SLAMF1: variants seen among roughly 807,000 people sequenced by gnomAD.
SLAMF1 encodes signaling lymphocytic activation molecule.
A neutral mutation model predicts 35.1 loss-of-function variants in SLAMF1; 18 were observed. That is an observed-to-expected ratio of 0.51 (90% confidence interval 0.35 to 0.76). The LOEUF (loss-of-function observed/expected upper bound fraction) is 0.76. Ranked by LOEUF, SLAMF1 falls within the 30% of genes least tolerant of loss-of-function variation. The probability of loss-of-function intolerance (pLI) is 0.01; values close to 1 mark genes in which losing one functional copy is unlikely to be tolerated. For synonymous variants in SLAMF1, 168 were observed against 157.2 expected, an observed-to-expected ratio of 1.07 and a Z score of -0.51; for missense variants, 392 against 413.0, an observed-to-expected ratio of 0.95 and a Z score of 0.44.
chr1:160,634,812 C>G lies in SLAMF1; in HGVS notation c.501G>C (p.Glu167Asp). Residue 167 changes from glutamate (E) to aspartate (D), a missense_variant, in exon 3 of 7, where the codon GAG becomes GAC. Physicochemically the swap from Glu to Asp is conservative, Grantham distance 45. Transcript: ENST00000302035. ...TCTLILGCTV[E>D]KGDHVAYSWS... ...AGCTGTAAGCCACATGGTCCCCCTT[C>G]TCCACTGTGCAGCCCAGTATCAAGG... 6.2e-7 allele frequency: 1 copy of G among 1,614,160 alleles called. No individual in the cohort carries two copies. Among genetic ancestry groups the G allele is most frequent in the Non-Finnish European group, 8.5e-7 (1 of 1,180,022 alleles).
intron 2 of SLAMF1, among the ~76,000 whole-genome samples, chr1:160,635,385 G>C (rs1444074321): frequency 6.6e-6 from 1 of 152,154 alleles, no homozygotes; most frequent in South Asian, 2.1e-4. Flanking sequence ...ATGGGTGAGT[G>C]AGTGGGTGGG....
chr1:160,631,186 A>C (rs1050304488), intron 3 of SLAMF1, among the ~76,000 whole-genome samples: 1 of 152,240 alleles, frequency 6.6e-6, no homozygotes, highest in African/African-American at 2.4e-5. Flanking sequence ...ATTCATGCGC[A>C]AACACAAATC....
At chr1:160,640,794 G>T (rs1421464022) in intron 1 of SLAMF1, among the ~76,000 whole-genome samples, 1 of 152,162 alleles carries the variant, frequency 6.6e-6, no homozygotes, top group East Asian at 1.9e-4. Context: ...GGAAAAGTGA[G>T]AAAGGCAATT....
intron 1 of SLAMF1, among the ~76,000 whole-genome samples, chr1:160,644,166 C>T (rs72708863): frequency 0.046 from 6,972 of 152,030 alleles, 189 homozygotes; most frequent in Non-Finnish European, 0.064. Context: ...CAATTTATTC[C>T]AATTCAATTC....
At chr1:160,616,579 C>G (rs1362768499) in intron 5 of SLAMF1, among the ~76,000 whole-genome samples, 1 of 152,124 alleles carries the variant, frequency 6.6e-6, no homozygotes, top group Non-Finnish European at 1.5e-5. Context: ...CAAAGGCAAG[C>G]TACAGATGGG....
intron 6 of SLAMF1, among the ~76,000 whole-genome samples, chr1:160,611,186 G>A (rs866964236): frequency 6.6e-6 from 1 of 152,088 alleles, no homozygotes; most frequent in African/African-American, 2.4e-5. Context: ...AAAGTCTAGT[G>A]GGACTCAAAG....
chr1:160,621,129 A>G (rs1659589431), intron 4 of SLAMF1, among the ~76,000 whole-genome samples: 1 of 152,210 alleles, frequency 6.6e-6, no homozygotes, highest in African/African-American at 2.4e-5. Flanking sequence ...AGCAGTAAGG[A>G]TGGTGGGAAA....
rs192659953 is a variant in SLAMF1, at chr1:160,645,732, G to C, written c.76+1138C>G. On this transcript the variant is annotated intron_variant, in intron 1 of 6. Transcript: ENST00000302035. The stretch of plus-strand genomic sequence containing the variant: ...CAGTTCTTCCTCCCCTAGACCTTGG[G>C]AAGTACGAGCCATGGATCTGCAGAT... Among the ~76,000 whole-genome samples the C allele has an allele frequency of 5.5e-3, 830 of 152,274 alleles. 7 individuals are homozygous for C. Among genetic ancestry groups the C allele is most frequent in the Non-Finnish European group, 7.6e-3 (520 of 68,016 alleles).
chr1:160,638,074 C>T (rs1007920353), intron 1 of SLAMF1, among the ~76,000 whole-genome samples: 1 of 152,088 alleles, frequency 6.6e-6, no homozygotes, highest in Non-Finnish European at 1.5e-5. Flanking sequence ...TCTCTCCAAA[C>T]ACCCTGAGAT....
intron 3 of SLAMF1, among the ~76,000 whole-genome samples, chr1:160,633,179 T>G (rs1300562693): frequency 1.3e-5 from 2 of 152,220 alleles, no homozygotes; most frequent in African/African-American, 4.8e-5. Flanking sequence ...TTGCTTGTCC[T>G]GCCAGCACCT....
In SLAMF1 at chr1:160,616,972, A is replaced by G. The variant is rs562747194; in HGVS notation, c.864+2804T>C. ...GGAGTTCGAGACCACCCTGGCCAAC[A>G]TGGTGAAATACTGTCTCTACTAAAA... On this transcript the variant is annotated intron_variant, in intron 5 of 6. Transcript: ENST00000302035. 2.4e-4 allele frequency among the ~76,000 whole-genome samples: 37 copies of G among 152,204 alleles called. No homozygotes were observed. In the South Asian group the frequency reaches 7.5e-3, roughly 31 times the overall value.
At chr1:160,623,338 G>A (rs1297952335) in intron 4 of SLAMF1, among the ~76,000 whole-genome samples, 1 of 152,160 alleles carries the variant, frequency 6.6e-6, no homozygotes, top group East Asian at 1.9e-4. Flanking sequence ...TGAGACACAA[G>A]TAGGTCGCTG....
intron 1 of SLAMF1, among the ~76,000 whole-genome samples, chr1:160,643,423 T>C (rs1318560141): frequency 6.6e-6 from 1 of 152,190 alleles, no homozygotes; most frequent in Non-Finnish European, 1.5e-5. Flanking sequence ...AGGGACCTTG[T>C]TCAGGCTATA....
chr1:160,610,277 TCAGGTCTG>T lies in SLAMF1; in HGVS notation c.*463_*470del. On this transcript the variant is annotated 3_prime_UTR_variant, in exon 7 of 7. Coordinates refer to ENST00000302035, the MANE Select transcript of SLAMF1 (RefSeq NM_003037.5). ...GAGAAACTGAGGCACAGAGGCTTGATCAGGTCTGCAGGTTATCATGATCAGCTCCCAGA... is the reference window on the plus strand; with the variant it reads ...GAGAAACTGAGGCACAGAGGCTTGATCAGGTTATCATGATCAGCTCCCAGA... The T allele has an allele frequency of 2.2e-6, 1 of 456,844 alleles. No homozygotes were observed. 28.3% of individuals were successfully genotyped at this position (456,844 alleles called of 1,614,324 possible).
At chr1:160,621,161 G>A (rs1410744775) in intron 4 of SLAMF1, among the ~76,000 whole-genome samples, 11 of 152,168 alleles carry the variant, frequency 7.2e-5, no homozygotes, top group Admixed American at 7.2e-4. Context: ...AAGGATGGAG[G>A]TTTATTATGG....
intron 1 of SLAMF1, 50 bp from the exon 2 acceptor site, chr1:160,637,579 A>G (rs770914884): frequency 1.5e-6 from 2 of 1,319,884 alleles, no homozygotes; most frequent in African/African-American, 1.4e-5. Context: ...CCTTTAGACA[A>G]CATCGTGTCA....
chr1:160,643,579 T>C (rs537655408), intron 1 of SLAMF1, among the ~76,000 whole-genome samples: 2 of 152,262 alleles, frequency 1.3e-5, no homozygotes, highest in East Asian at 3.9e-4. Flanking sequence ...TCGAGAGAAG[T>C]TTTATTTCCC....
At chr1:160,631,988 A>G (rs1343119658) in intron 3 of SLAMF1, among the ~76,000 whole-genome samples, 1 of 152,030 alleles carries the variant, frequency 6.6e-6, no homozygotes, top group African/African-American at 2.4e-5. Context: ...TGATATGAAG[A>G]GACAAGGAGA....
chr1:160,620,600 A>C (rs1659558389), intron 4 of SLAMF1, among the ~76,000 whole-genome samples: 1 of 152,226 alleles, frequency 6.6e-6, no homozygotes, highest in Non-Finnish European at 1.5e-5. Flanking sequence ...TATAAAGTAT[A>C]AAGTAAAAAG....
Sources: gnomAD v4.1 joint callset for allele counts (sites outside exome capture counted in the v4.1 genomes callset) on GRCh38, gnomAD v4.1.1 for gene constraint, MANE v1.5 for transcripts, NCBI Gene and HGNC (gene_info 2026-07-23, HGNC 2026-07-21) for gene names.